PLXNA3: variants seen among roughly 807,000 people sequenced by gnomAD.
PLXNA3 encodes the protein plexin-A3.
PLXNA3 carries 52 observed loss-of-function variants against 118.8 expected under a neutral mutation model. The ratio of observed to expected loss-of-function variants is 0.44; its 90% confidence interval spans 0.35 to 0.55. The LOEUF is 0.55. PLXNA3 is among the 20% of genes least tolerant of loss of function. PLXNA3 has a pLI of 0.01. For synonymous variants in PLXNA3, 925 were observed against 762.4 expected (o/e 1.21, Z -3.51); for missense variants, 1,660 against 1,730.8 (o/e 0.96, Z 0.73).
Position 154,466,195 on chromosome X carries a change from G to A in PLXNA3, c.2724G>A (p.Pro908=), listed in dbSNP as rs377575555. Residue 908 remains proline (P), a synonymous_variant, in exon 15 of 33, where the codon CCG becomes CCA. Coordinates refer to ENST00000369682, the MANE Select transcript of PLXNA3 (RefSeq NM_017514.5). The stretch of plus-strand genomic sequence containing the variant: ...AGTCGCTGGTGCCCAGCCCGCCGCC[G>A]GGGCCCGTGGAGCTGTGTGTGGGTG... ...MEESLVPSPP[P]GPVELCVGDC... 4.6e-5 allele frequency: 56 copies of A among 1,208,487 alleles called. No homozygotes were observed. The highest frequency in any genetic ancestry group is 2.4e-4 in the Middle Eastern group (1 of 4,203).
chrX:154,466,817 G>C, intron 17 of PLXNA3, 24 bp downstream of exon 17: 1 of 1,141,451 alleles, frequency 8.8e-7, no homozygotes, highest in South Asian at 2.0e-5. Flanking sequence ...GGACTGGGGA[G>C]CCTGGCAGTG....
At chrX:154,463,751 C>A in intron 6 of PLXNA3, 61 bp downstream of exon 6, 1 of 1,028,053 alleles carries the variant, frequency 9.7e-7, no homozygotes, top group South Asian at 2.0e-5. Context: ...GGGAGCCAGC[C>A]ACACCCAGCC....
Position 154,466,758 on chromosome X carries a change from C to G in PLXNA3, c.3072C>G (p.Thr1024=). Residue 1024 remains threonine, a synonymous_variant, in exon 17 of 33, where the codon ACC becomes ACG. Transcript: ENST00000369682. The part of the protein sequence containing the change: ...GLIYTYTQDP[T]VTRLEPTWSI... ...TCTACACCTACACTCAGGACCCCAC[C>G]GTCACCCGCCTTGAGCCCACCTGGA... 1.7e-6 allele frequency: 2 copies of G among 1,191,106 alleles called. No homozygotes were observed. Among genetic ancestry groups the G allele is most frequent in the Non-Finnish European group, 2.3e-6 (2 of 885,130 alleles).
At position 154,469,064 on chromosome X, in the gene PLXNA3, C is replaced by T. The variant is rs2069141553; in HGVS notation, c.4443C>T (p.His1481=). 3 of 1,211,562 alleles carry T rather than the reference C, an allele frequency of 2.5e-6. No individual in the cohort carries two copies. Among genetic ancestry groups the T allele is most frequent in the East Asian group, 5.9e-5 (2 of 33,873 alleles). Residue 1481 remains histidine (H), a synonymous_variant, in exon 26 of 33, where the codon CAC becomes CAT. Coordinates refer to ENST00000369682, the MANE Select transcript of PLXNA3 (RefSeq NM_017514.5). ...GTCCGCTTTCCCCTCAGACCCTTCA[C>T]TGCGTGTGTCCGGAGAACGAGGGCA... ...QQIDYKTLTL[H]CVCPENEGSA...
rs1199114424 is a variant in PLXNA3, at chrX:154,473,013, C to G, written c.*328C>G. 5.5e-5 allele frequency: 10 copies of G among 183,425 alleles called. No homozygotes were observed. In the East Asian group the frequency reaches 1.1e-3, roughly 20 times the overall value. The allele number at this position is 183,425 out of a possible 1,213,427, so 15.1% of individuals were successfully genotyped here. ...CTATTTATTGAATCGAACTTCGCCT[C>G]TGTCTCCATCTGTAAATATGTGTCC... On this transcript the variant is annotated 3_prime_UTR_variant, in exon 33 of 33. Transcript: ENST00000369682.
intron 32 of PLXNA3, 113 bp from the exon 33 acceptor site, chrX:154,472,477 G>T (rs1183681826): frequency 1.9e-6 from 1 of 531,720 alleles, no homozygotes; most frequent in African/African-American, 2.3e-5. Flanking sequence ...TGCGGGGGAG[G>T]ACGGAGGGAT....
intron 8 of PLXNA3, 31 bp from the exon 9 acceptor site, chrX:154,464,371 C>T (rs781938475): frequency 1.8e-4 from 219 of 1,200,832 alleles, no homozygotes; most frequent in Middle Eastern, 2.3e-4. Context: ...CTACCCCCAG[C>T]GAGTTCACGG....
chrX:154,460,246 G>C lies in PLXNA3; in HGVS notation c.63G>C (p.Arg21Ser). 1 of 1,209,380 alleles carries C rather than the reference G, an allele frequency of 8.3e-7. No homozygotes were observed. The highest frequency in any genetic ancestry group is 1.1e-6 in the Non-Finnish European group (1 of 894,191). The change falls in exon 2 of 33, where the codon AGG becomes AGC. Residue 21 changes from arginine to serine, a missense_variant. Arg to Ser is a moderately radical substitution (Grantham distance 110). Coordinates refer to ENST00000369682, the MANE Select transcript of PLXNA3 (RefSeq NM_017514.5). ...CCGTGGGGGGGGCCCTGGGCAACAG[G>C]CCCTTCCGTGCCTTCGTGGTGACAG... ...FLAVGGALGNRPFRAFVVTDT... is the reference protein window; with the variant it reads ...FLAVGGALGNSPFRAFVVTDT...
chrX:154,469,906 T>C, intron 28 of PLXNA3, 71 bp from the exon 29 acceptor site: 4 of 1,149,047 alleles, frequency 3.5e-6, no homozygotes, highest in Non-Finnish European at 3.6e-6. Flanking sequence ...CCCCACATGC[T>C]GCTGAGCTCC....
In PLXNA3 at chrX:154,461,310, A is replaced by C; in HGVS notation, c.806A>C (p.Asp269Ala). The change falls in exon 3 of 33, where the codon GAC (aspartate) becomes GCC (alanine). Residue 269 changes from aspartate to alanine, a missense_variant. By Grantham distance (126) the Asp-to-Ala change is moderately radical (BLOSUM62 -2). This residue lies in a region of PLXNA3 where 791 missense variants were observed against 652.1 expected (regional missense o/e 1.21). Transcript: ENST00000369682. ...AAGATCGTGCGCATGTGCGCGGGAG[A>C]CTCAGAGTTCTACTCATACGTGGAA... is the stretch of plus-strand genomic sequence containing the variant. ...TSKIVRMCAGDSEFYSYVEFP... is the reference protein window; with the variant it reads ...TSKIVRMCAGASEFYSYVEFP... 1 of 1,211,941 alleles carries C rather than the reference A, an allele frequency of 8.3e-7. No homozygotes were observed. The highest frequency in any genetic ancestry group is 1.7e-5 in the African/African-American group (1 of 57,953).
rs1425803041 is a variant in PLXNA3 at position 154,475,699 on chromosome X, A to G, written c.*3014A>G. The G allele has an allele frequency of 1.8e-5, 2 of 112,796 alleles. No homozygotes were observed. Among genetic ancestry groups the G allele is most frequent in the African/African-American group, 6.4e-5 (2 of 31,030 alleles). The allele number at this position is 112,796 out of a possible 1,213,427, so 9.3% of individuals were successfully genotyped here. Reference sequence around the variant, plus strand: ...GGGATGACAGCTGTGCCGTCGGCCCAGACAGAACCATCTGGACAGAGGACA... The same window carrying G: ...GGGATGACAGCTGTGCCGTCGGCCCGGACAGAACCATCTGGACAGAGGACA... On this transcript the variant is annotated 3_prime_UTR_variant, in exon 33 of 33. Transcript: ENST00000369682.
chrX:154,459,208 C>A (rs1328610371), intron 1 of PLXNA3, among the ~76,000 whole-genome samples: 1 of 101,747 alleles, frequency 9.8e-6, no homozygotes, highest in Non-Finnish European at 2.0e-5. Context: ...CCTCCTATCT[C>A]CCCCGGGAGC....
At position 154,461,509 on chromosome X, in the gene PLXNA3, C is replaced by T; in HGVS notation, c.1005C>T (p.Thr335=). The T allele has an allele frequency of 1.7e-6, 2 of 1,211,410 alleles. No individual in the cohort carries two copies. Among genetic ancestry groups the T allele is most frequent in the Middle Eastern group, 2.3e-4 (1 of 4,356 alleles). Residue 335 remains threonine (T), a synonymous_variant, in exon 3 of 33, where the codon ACC becomes ACT. Coordinates refer to ENST00000369682, the MANE Select transcript of PLXNA3 (RefSeq NM_017514.5). ...ACCGGGCCAGCCCACCCCGGCAGAC[C>T]ATCCTCTGCCTCTTCACCCTCAGCA... ...QKNRASPPRQ[T]ILCLFTLSNI... is the part of the protein sequence containing the mutation.
In PLXNA3 at chrX:154,471,156, C is replaced by T. The variant is rs150657942; in HGVS notation, c.5208C>T (p.Phe1736=). The T allele has an allele frequency of 2.0e-5, 24 of 1,209,049 alleles. No homozygotes were observed. The African/African-American group carries it at 3.2e-4, about 16-fold the overall frequency. The change falls in exon 31 of 33, where the codon TTC becomes TTT. Residue 1736 remains phenylalanine, a synonymous_variant. Coordinates refer to ENST00000369682, the MANE Select transcript of PLXNA3 (RefSeq NM_017514.5). ...VNVIKNPQFV[F]DIHKNSITDA... ...TGATCAAGAACCCGCAGTTCGTGTTCGACATCCACAAGAACAGCATCACGG... is the reference window on the plus strand; with the variant it reads ...TGATCAAGAACCCGCAGTTCGTGTTTGACATCCACAAGAACAGCATCACGG...
At position 154,477,250 on chromosome X, in the gene PLXNA3, AT is replaced by A. The variant is rs1557211026; in HGVS notation, c.*4566del. On this transcript the variant is annotated 3_prime_UTR_variant, in exon 33 of 33. Transcript: ENST00000369682. ...GAGCTGCTCTGGTCCCACACAGCAC[AT>A]CTTCAAAGCAAGACTCAAAAGGATC... is the stretch of plus-strand genomic sequence containing the variant. 8.9e-6 allele frequency: 1 copy of A among 112,589 alleles called. No individual in the cohort carries two copies. Among genetic ancestry groups the A allele is most frequent in the Admixed American group, 9.4e-5 (1 of 10,647 alleles). 9.3% of individuals were successfully genotyped at this position (112,589 alleles called of 1,213,427 possible).
rs150298291 is a variant in PLXNA3, at chrX:154,461,882, G to A, written c.1134+244G>A. Among the ~76,000 whole-genome samples the A allele has an allele frequency of 2.6e-3, 286 of 112,077 alleles. No individual in the cohort carries two copies. The East Asian group carries it at 0.033, about 13-fold the overall frequency. Reference sequence around the variant, plus strand: ...CTCGTTCCTCCTTGCTCCGTCTCCCGGTTGCCCCTTGTCTTGAGCCAACAA... The same window carrying A: ...CTCGTTCCTCCTTGCTCCGTCTCCCAGTTGCCCCTTGTCTTGAGCCAACAA... On this transcript the variant is annotated intron_variant, in intron 3 of 32. Transcript: ENST00000369682.
chrX:154,460,907 G>C, intron 2 of PLXNA3, 130 bp downstream of exon 2: 1 of 627,410 alleles, frequency 1.6e-6, no homozygotes, highest in Non-Finnish European at 2.4e-6. Context: ...CGGAGGGTGG[G>C]ATGACAGCCT....
At position 154,464,204 on chromosome X, in the gene PLXNA3, C is replaced by A. The variant is rs781882236; in HGVS notation, c.1719C>A (p.Ser573Arg). Reference sequence around the variant, plus strand: ...TGCCAGACCTCAGTGCGGGCGTGAGCTGCGCCTTCGAGGCGGCGGCGGAGA... The same window carrying A: ...TGCCAGACCTCAGTGCGGGCGTGAGATGCGCCTTCGAGGCGGCGGCGGAGA... Reference protein sequence around the residue: ...HNVPDLSAGVSCAFEAAAENE... With the variant: ...HNVPDLSAGVRCAFEAAAENE... Residue 573 changes from serine (S) to arginine (R), a missense_variant, in exon 8 of 33, where the codon AGC becomes AGA. By Grantham distance (110) the Ser-to-Arg change is moderately radical. Coordinates refer to ENST00000369682, the MANE Select transcript of PLXNA3 (RefSeq NM_017514.5). 21 of 1,208,195 alleles carry A rather than the reference C, an allele frequency of 1.7e-5. No individual in the cohort carries two copies. Among genetic ancestry groups the A allele is most frequent in the Non-Finnish European group, 2.2e-5 (20 of 894,433 alleles).
intron 14 of PLXNA3, 27 bp from the exon 15 acceptor site, chrX:154,466,123 C>A: frequency 8.3e-7 from 1 of 1,209,682 alleles, no homozygotes. Context: ...TGTGGCCTGG[C>A]CGGCCCTGAC....
Sources: allele counts gnomAD v4.1 joint callset (sites outside exome capture counted in the v4.1 genomes callset), GRCh38; gene constraint gnomAD v4.1.1; regional missense constraint gnomAD v4.1.1; transcripts MANE v1.5; gene names NCBI Gene and HGNC (gene_info 2026-07-23, HGNC 2026-07-21).